SOX5: variants seen among roughly 807,000 people sequenced by gnomAD.
SOX5 encodes transcription factor SOX-5.
A neutral mutation model predicts 92.0 loss-of-function variants in SOX5; 9 were observed. The observed-to-expected ratio is 0.10, with a 90% CI of 0.06 to 0.17. SOX5 has a LOEUF of 0.17. Among genes scored for constraint, SOX5 ranks in the 10% least tolerant of loss-of-function variants. The pLI, the probability that SOX5 is intolerant of heterozygous loss-of-function variation, is 1.00. For missense variants in SOX5, 642 were observed against 944.5 expected (o/e 0.68, Z 4.20); for synonymous variants, 344 against 336.3 (o/e 1.02, Z -0.25).
chr12:23,639,180 A>T (rs2138674551), intron 8 of SOX5, among the ~76,000 whole-genome samples: 1 of 152,220 alleles, frequency 6.6e-6, no homozygotes, highest in South Asian at 2.1e-4. Flanking sequence ...GTCTCAAGAT[A>T]TTTAATATCT....
intron 2 of SOX5, among the ~76,000 whole-genome samples, chr12:24,289,645 C>CG (rs1946383920): frequency 6.9e-6 from 1 of 144,396 alleles, no homozygotes; most frequent in African/African-American, 2.8e-5. Flanking sequence ...TTAGTAGAGA[C>CG]GGGGTTTCAC....
intron 1 of SOX5, among the ~76,000 whole-genome samples, chr12:24,482,157 G>A (rs1946065703): frequency 6.6e-6 from 1 of 152,132 alleles, no homozygotes; most frequent in Non-Finnish European, 1.5e-5. Context: ...AGGAGAAGTA[G>A]CTAGTGCTGC....
chr12:23,621,333 G>A (rs1392785080), intron 8 of SOX5, among the ~76,000 whole-genome samples: 3 of 151,982 alleles, frequency 2.0e-5, no homozygotes, highest in African/African-American at 7.2e-5. Context: ...TAAATACAGA[G>A]GTTCTATTTT....
chr12:23,552,415 A>C (rs1944378797), intron 11 of SOX5, among the ~76,000 whole-genome samples: 1 of 151,860 alleles, frequency 6.6e-6, no homozygotes, highest in South Asian at 2.1e-4. Context: ...ACTTAGTTTA[A>C]CTCAGTTTTT....
chr12:23,578,146 A>AAAAAAAAAAAAAAAAAAAAAAAC (rs1565984217), intron 9 of SOX5, among the ~76,000 whole-genome samples: 1 of 137,320 alleles, frequency 7.3e-6, no homozygotes, highest in African/African-American at 2.6e-5. Flanking sequence ...AAAAAAAAAA[A>AAAAAAAAAAAAAAAAAAAAAAAC]AAAACTATAG....
chr12:23,617,642 T>G (rs894461552), intron 8 of SOX5, among the ~76,000 whole-genome samples: 2 of 152,164 alleles, frequency 1.3e-5, no homozygotes, highest in African/African-American at 2.4e-5. Flanking sequence ...ACTTAAATCT[T>G]AAGACCTTTT....
At position 23,570,931 on chromosome 12, in the gene SOX5, ATATATATATATATATATATATATAT is replaced by A. The variant is rs1948210308; in HGVS notation, c.1342+4705_1342+4729del. ...AACTCAAAAAAAAAAAAAAAAAAAA[ATATATATATATATATATATATATAT>A]ATATATATATATATATATATATATA... On this transcript the variant is annotated intron_variant, in intron 10 of 14. Transcript: ENST00000451604. 9.5e-4 allele frequency among the ~76,000 whole-genome samples: 16 copies of A among 16,800 alleles called. 4 individuals carry two copies. The highest frequency in any genetic ancestry group is 9.3e-3 in the South Asian group (2 of 216). 11.0% of individuals were successfully genotyped at this position (16,800 alleles called of 152,430 possible). A position where few individuals can be genotyped will look rare whatever the true frequency, so the allele number is the denominator to read the frequency against.
At chr12:23,700,976 C>T (rs927017841) in intron 6 of SOX5, among the ~76,000 whole-genome samples, 1 of 151,358 alleles carries the variant, frequency 6.6e-6, no homozygotes, top group Non-Finnish European at 1.5e-5. Flanking sequence ...TATACAAACA[C>T]ACACATATAT....
chr12:24,319,767 C>T (rs1316809822), intron 2 of SOX5, among the ~76,000 whole-genome samples: 1 of 152,022 alleles, frequency 6.6e-6, no homozygotes, highest in Non-Finnish European at 1.5e-5. Context: ...AGTTAGAGTC[C>T]CTCTTTCATC....
intron 9 of SOX5, among the ~76,000 whole-genome samples, chr12:23,591,181 A>G (rs1275733082): frequency 6.6e-6 from 1 of 152,092 alleles, no homozygotes; most frequent in Non-Finnish European, 1.5e-5. Context: ...CAGTTAAAAA[A>G]ATCCTTATAC....
At chr12:23,906,577 T>C (rs1281851742) in intron 1 of SOX5, among the ~76,000 whole-genome samples, 1 of 152,226 alleles carries the variant, frequency 6.6e-6, no homozygotes, top group African/African-American at 2.4e-5. Flanking sequence ...TTTCCCCAGA[T>C]GCTCGGCTCC....
chr12:23,702,937 T>C (rs934515983), intron 6 of SOX5, among the ~76,000 whole-genome samples: 26 of 152,086 alleles, frequency 1.7e-4, no homozygotes, highest in African/African-American at 5.8e-4. Flanking sequence ...CTTCTTATTA[T>C]AATCTGCAAT....
chr12:23,629,744 A>G (rs908078878), intron 8 of SOX5, among the ~76,000 whole-genome samples: 5 of 151,894 alleles, frequency 3.3e-5, no homozygotes, highest in African/African-American at 1.2e-4. Context: ...TTCCACTTTC[A>G]TATTTCATTC....
At chr12:23,911,343 T>C (rs1479449162) in intron 1 of SOX5, among the ~76,000 whole-genome samples, 3 of 152,122 alleles carry the variant, frequency 2.0e-5, no homozygotes, top group African/African-American at 7.2e-5. Flanking sequence ...TCAAGAGATG[T>C]TAGATATTAA....
At chr12:24,245,044 C>A (rs1340609985) in intron 3 of SOX5, among the ~76,000 whole-genome samples, 2 of 152,094 alleles carry the variant, frequency 1.3e-5, no homozygotes, top group Admixed American at 6.5e-5. Context: ...GGGAAGCCTT[C>A]CCTAAACATC....
At chr12:23,937,327 G>A (rs1001957704) in intron 1 of SOX5, among the ~76,000 whole-genome samples, 7 of 150,690 alleles carry the variant, frequency 4.6e-5, no homozygotes, top group Admixed American at 4.0e-4. Flanking sequence ...CTCTTCTATT[G>A]AGCATTTCAG....
chr12:24,109,971 T>C (rs1947127745), intron 4 of SOX5, among the ~76,000 whole-genome samples: 1 of 152,216 alleles, frequency 6.6e-6, no homozygotes, highest in South Asian at 2.1e-4. Flanking sequence ...AAATTTTTTC[T>C]GATGACACAT....
intron 4 of SOX5, among the ~76,000 whole-genome samples, chr12:24,041,411 GA>G (rs1239126518): frequency 6.6e-6 from 1 of 152,160 alleles, no homozygotes; most frequent in Non-Finnish European, 1.5e-5. Flanking sequence ...CTGGGTTCAG[GA>G]GACAGACAGA....
chr12:23,794,105 T>C (rs2095522048), intron 3 of SOX5, among the ~76,000 whole-genome samples: 1 of 152,128 alleles, frequency 6.6e-6, no homozygotes, highest in South Asian at 2.1e-4. Context: ...AGAGGAAAAA[T>C]ATTTTAAAAG....
Sources: gnomAD v4.1 joint callset for allele counts (sites outside exome capture counted in the v4.1 genomes callset) on GRCh38, gnomAD v4.1.1 for gene constraint, MANE v1.5 for transcripts, NCBI Gene and HGNC (gene_info 2026-07-23, HGNC 2026-07-21) for gene names.